The following MYO3A variants were observed in gnomAD, a reference collection of about 807,000 sequenced individuals.
MYO3A encodes myosin IIIA, also known as myosin-IIIa.
In MYO3A, 180 loss-of-function variants were observed where a neutral mutation model predicts 192.7. The observed-to-expected ratio is 0.93, with a 90% confidence interval of 0.83 to 1.06. The LOEUF (loss-of-function observed/expected upper bound fraction) is 1.06, where lower values mean the gene tolerates loss of function less well. MYO3A is among the 50% of genes least tolerant of loss of function. The pLI is 0.00. For missense variants in MYO3A, 1,896 were observed against 1,905.0 expected (o/e 1.00, Z 0.09); for synonymous variants, 628 against 645.3 (o/e 0.97, Z 0.41).
At chr10:25,941,485 T>TCTCAGATCTCA (rs1836484756) in intron 2 of MYO3A, among the ~76,000 whole-genome samples, 1 of 152,238 alleles carries the variant, frequency 6.6e-6, no homozygotes, top group African/African-American at 2.4e-5. Context: ...TGATCATGCA[T>TCTCAGATCTCA]GGATCTGAGA....
intron 7 of MYO3A, among the ~76,000 whole-genome samples, chr10:26,020,113 G>A (rs1010492182): frequency 6.6e-6 from 1 of 152,126 alleles, no homozygotes; most frequent in Non-Finnish European, 1.5e-5. Context: ...CAGGTACTTA[G>A]AAATGAATTG....
At chr10:26,191,010 G>A (rs1843099967) in intron 31 of MYO3A, among the ~76,000 whole-genome samples, 1 of 151,990 alleles carries the variant, frequency 6.6e-6, no homozygotes, top group African/African-American at 2.4e-5. Flanking sequence ...TGATAGTAAT[G>A]TTCTGATATT....
intron 25 of MYO3A, among the ~76,000 whole-genome samples, chr10:26,156,085 G>A (rs1403318540): frequency 6.6e-6 from 1 of 152,186 alleles, no homozygotes; most frequent in Non-Finnish European, 1.5e-5. Context: ...CCTGCTTAGA[G>A]TATCACCCCT....
At chr10:26,136,408 C>T (rs540678558) in intron 20 of MYO3A, among the ~76,000 whole-genome samples, 1 of 152,310 alleles carries the variant, frequency 6.6e-6, no homozygotes, top group African/African-American at 2.4e-5. Context: ...GGTGTAAGTT[C>T]TGTGAAAGAA....
chr10:25,956,497 T>A (rs1282216873), intron 4 of MYO3A, among the ~76,000 whole-genome samples: 6 of 76,936 alleles, frequency 7.8e-5, no homozygotes, highest in Admixed American at 2.6e-4. Flanking sequence ...CCAGCTAAAT[T>A]TTTTTTTTTT....
At chr10:26,198,011 A>G (rs1357767647) in intron 32 of MYO3A, among the ~76,000 whole-genome samples, 1 of 152,262 alleles carries the variant, frequency 6.6e-6, no homozygotes. Flanking sequence ...CATCGTAACT[A>G]GAAGACTGTT....
At chr10:26,183,141 A>G (rs189308449) in intron 31 of MYO3A, among the ~76,000 whole-genome samples, 13 of 152,304 alleles carry the variant, frequency 8.5e-5, no homozygotes, top group African/African-American at 2.9e-4. Flanking sequence ...CCCCCCACAC[A>G]GGCTGCTTTA....
At chr10:26,143,227 A>G (rs1840267784) in intron 20 of MYO3A, among the ~76,000 whole-genome samples, 1 of 152,140 alleles carries the variant, frequency 6.6e-6, no homozygotes, top group Admixed American at 6.5e-5. Flanking sequence ...GCTACTCGGG[A>G]AGCTGAGGCA....
intron 34 of MYO3A, among the ~76,000 whole-genome samples, chr10:26,207,331 C>G (rs895242356): frequency 6.6e-5 from 10 of 152,000 alleles, no homozygotes; most frequent in Admixed American, 6.6e-4. Context: ...TCTTTCTTTT[C>G]TTTTCTCTTT....
chr10:25,976,626 TTGAC>T (rs1161740384), intron 4 of MYO3A, among the ~76,000 whole-genome samples: 2 of 152,184 alleles, frequency 1.3e-5, no homozygotes, highest in African/African-American at 4.8e-5. Flanking sequence ...TTTGTAATGT[TTGAC>T]TACAGCTAGG....
At position 26,173,780 on chromosome 10, in the gene MYO3A, A is replaced by C. The variant is rs747735494; in HGVS notation, c.3516A>C (p.Glu1172Asp). Residue 1172 changes from glutamate (E) to aspartate (D), a missense_variant, in exon 30 of 35, where the codon GAA becomes GAC. Physicochemically the swap from Glu to Asp is conservative, Grantham distance 45. Transcript: ENST00000642920. ...TGAAGACTTCCACTTTCAAACCTGA[A>C]GAGGAAACCACCAATGCTGTGGAGA... is the stretch of plus-strand genomic sequence containing the variant. ...SVVKTSTFKP[E>D]EETTNAVESN... 1.2e-6 allele frequency: 2 copies of C among 1,614,220 alleles called. No homozygotes were observed. Among genetic ancestry groups the C allele is most frequent in the Non-Finnish European group, 1.7e-6 (2 of 1,180,038 alleles).
Position 26,085,065 on chromosome 10 carries a change from G to C in MYO3A, c.1360-3138G>C, listed in dbSNP as rs183021169. On this transcript the variant is annotated intron_variant, in intron 14 of 34. Coordinates refer to ENST00000642920, the MANE Select transcript of MYO3A (RefSeq NM_017433.5). Reference sequence around the variant, plus strand: ...TGCTTGTAGATAATTGTTCATAATAGTCCCTATGATCCTTTTTATTTCTGA... The same window carrying C: ...TGCTTGTAGATAATTGTTCATAATACTCCCTATGATCCTTTTTATTTCTGA... Among the ~76,000 whole-genome samples the C allele has an allele frequency of 2.6e-5, 4 of 152,046 alleles. No individual in the cohort carries two copies. In the East Asian group the frequency reaches 7.7e-4, roughly 29 times the overall value.
chr10:26,203,172 T>C, intron 34 of MYO3A, 65 bp downstream of exon 34: 1 of 1,504,918 alleles, frequency 6.6e-7, no homozygotes, highest in South Asian at 1.1e-5. Flanking sequence ...TTTCTTAAGA[T>C]ATTTCACTTT....
At chr10:26,103,717 A>C (rs1053608799) in intron 17 of MYO3A, among the ~76,000 whole-genome samples, 3 of 152,172 alleles carry the variant, frequency 2.0e-5, no homozygotes, top group African/African-American at 7.2e-5. Flanking sequence ...CTAGCATTGC[A>C]AATGCTGAAT....
At chr10:26,112,722 C>T (rs1227311710) in intron 17 of MYO3A, among the ~76,000 whole-genome samples, 1 of 152,184 alleles carries the variant, frequency 6.6e-6, no homozygotes, top group African/African-American at 2.4e-5. Flanking sequence ...TGTGATTCAG[C>T]ACAATCCAAA....
intron 32 of MYO3A, among the ~76,000 whole-genome samples, chr10:26,198,917 C>T (rs546980484): frequency 6.6e-6 from 1 of 152,212 alleles, no homozygotes; most frequent in South Asian, 2.1e-4. Context: ...TTTGTAATTT[C>T]AAAACTATAA....
chr10:26,098,003 CA>C (rs1469978940), intron 17 of MYO3A, among the ~76,000 whole-genome samples: 1 of 152,198 alleles, frequency 6.6e-6, no homozygotes, highest in Non-Finnish European at 1.5e-5. Context: ...CTGTTTTCCA[CA>C]ATGGTTGAAC....
chr10:26,128,569 T>C, intron 20 of MYO3A, 31 bp downstream of exon 20: 1 of 1,577,896 alleles, frequency 6.3e-7, no homozygotes, highest in Non-Finnish European at 8.7e-7. Flanking sequence ...TAAATATGCA[T>C]GCATGCATGT....
At chr10:26,143,130 A>C (rs1316775879) in intron 20 of MYO3A, among the ~76,000 whole-genome samples, 2 of 152,196 alleles carry the variant, frequency 1.3e-5, no homozygotes, top group Admixed American at 1.3e-4. Context: ...CAGGAGTTTG[A>C]GACCAGCCTG....
Sources: gnomAD v4.1 joint callset for allele counts (sites outside exome capture counted in the v4.1 genomes callset) on GRCh38, gnomAD v4.1.1 for gene constraint, MANE v1.5 for transcripts, NCBI Gene and HGNC (gene_info 2026-07-23, HGNC 2026-07-21) for gene names.